APOLD1: variants seen among roughly 807,000 people sequenced by gnomAD.
The protein encoded by APOLD1 is apolipoprotein L domain-containing protein 1.
Under a neutral mutation model 15.3 loss-of-function variants are expected in APOLD1, and 22 were observed. The ratio of observed to expected loss-of-function variants is 1.44; its 90% CI spans 1.03 to 2.05. The LOEUF (loss-of-function observed/expected upper bound fraction) is 2.05, where lower values mean the gene tolerates loss of function less well. Among genes scored for constraint, APOLD1 ranks in the 30% most tolerant of loss-of-function variants. The pLI is 0.00. For missense variants in APOLD1, 394 were observed against 353.5 expected (o/e 1.11, Z -0.92); for synonymous variants, 190 against 167.4 (o/e 1.13, Z -1.04).
intron 1 of APOLD1, among the ~76,000 whole-genome samples, chr12:12,751,236 C>T (rs1207995782): frequency 6.6e-6 from 1 of 152,140 alleles, no homozygotes; most frequent in African/African-American, 2.4e-5. Flanking sequence ...GGATGGTCCT[C>T]ACAGGCTGTC....
chr12:12,754,080 G>A (rs970958822), intron 1 of APOLD1, among the ~76,000 whole-genome samples: 16 of 151,534 alleles, frequency 1.1e-4, no homozygotes, highest in Non-Finnish European at 1.2e-4. Context: ...CTGGGCGCCT[G>A]TAATCCCAGC....
chr12:12,761,017 T>G (rs980035906), intron 1 of APOLD1, among the ~76,000 whole-genome samples: 1 of 152,242 alleles, frequency 6.6e-6, no homozygotes, highest in African/African-American at 2.4e-5. Context: ...ATGTTAAACC[T>G]TATAACCTAA....
At chr12:12,749,021 G>A (rs191913116) in intron 1 of APOLD1, among the ~76,000 whole-genome samples, 1 of 152,302 alleles carries the variant, frequency 6.6e-6, no homozygotes, top group Admixed American at 6.5e-5. Context: ...AAATTAACCT[G>A]TGACCAGGAG....
intron 1 of APOLD1, among the ~76,000 whole-genome samples, chr12:12,759,460 T>C (rs1042557779): frequency 1.3e-5 from 2 of 152,180 alleles, no homozygotes; most frequent in East Asian, 1.9e-4. Context: ...TCACTGACTT[T>C]TGGTAGGATG....
At chr12:12,772,354 ACAGACTT>A (rs1946995161) in intron 1 of APOLD1, among the ~76,000 whole-genome samples, 1 of 152,230 alleles carries the variant, frequency 6.6e-6, no homozygotes, top group Admixed American at 6.5e-5. Context: ...GTCAGACAGA[ACAGACTT>A]CAGAGCAAGG....
intron 1 of APOLD1, among the ~76,000 whole-genome samples, chr12:12,756,409 C>G (rs1293185369): frequency 2.6e-5 from 4 of 152,200 alleles, no homozygotes; most frequent in African/African-American, 7.2e-5. Context: ...CCATCTTAAT[C>G]TCTTTTAATT....
At chr12:12,779,184 A>G (rs1947060976) in intron 1 of APOLD1, among the ~76,000 whole-genome samples, 1 of 152,128 alleles carries the variant, frequency 6.6e-6, no homozygotes, top group Admixed American at 6.5e-5. Context: ...CAGTGCTCCC[A>G]GAAAGTCTTC....
chr12:12,756,141 A>G (rs17392655), intron 1 of APOLD1, among the ~76,000 whole-genome samples: 4,968 of 152,356 alleles, frequency 0.033, 125 homozygotes, highest in Middle Eastern at 0.068. Flanking sequence ...TGGGTGAAGA[A>G]TCATATTGAA....
intron 1 of APOLD1, among the ~76,000 whole-genome samples, chr12:12,777,894 T>TG (rs1565436816): frequency 2.6e-4 from 2 of 7,696 alleles, no homozygotes; most frequent in African/African-American, 5.0e-4. Flanking sequence ...AAGGTGTTTT[T>TG]TTTTTTTTTT....
At chr12:12,777,639 T>C (rs1947046354) in intron 1 of APOLD1, among the ~76,000 whole-genome samples, 2 of 152,180 alleles carry the variant, frequency 1.3e-5, no homozygotes, top group Admixed American at 6.5e-5. Flanking sequence ...TCCGAAATGT[T>C]CCAGTGAGCA....
chr12:12,764,828 G>A (rs1004354777), intron 1 of APOLD1: 29 of 308,186 alleles, frequency 9.4e-5, no homozygotes, highest in Non-Finnish European at 1.8e-4. Flanking sequence ...CATGGTATGG[G>A]GATAGAATAA....
chr12:12,739,789 A>G (rs894777469), intron 1 of APOLD1, among the ~76,000 whole-genome samples: 39 of 148,824 alleles, frequency 2.6e-4, no homozygotes, highest in Admixed American at 6.1e-4. Flanking sequence ...ATTAAGGAGT[A>G]TATTTCTCAG....
intron 1 of APOLD1, among the ~76,000 whole-genome samples, chr12:12,730,328 A>G (rs1455127505): frequency 6.6e-6 from 1 of 152,108 alleles, no homozygotes; most frequent in South Asian, 2.1e-4. Flanking sequence ...CTGGAATCCT[A>G]CTGCCTGGGT....
intron 1 of APOLD1, among the ~76,000 whole-genome samples, chr12:12,764,383 G>A (rs1262885822): frequency 1.3e-5 from 2 of 152,090 alleles, no homozygotes; most frequent in Non-Finnish European, 2.9e-5. Flanking sequence ...TGATGTTTAT[G>A]TTATGTTTTT....
At chr12:12,772,750 TAAC>T (rs1393398607) in intron 1 of APOLD1, among the ~76,000 whole-genome samples, 1 of 152,140 alleles carries the variant, frequency 6.6e-6, no homozygotes, top group African/African-American at 2.4e-5. Flanking sequence ...AAATACAACT[TAAC>T]AACATTTAAA....
intron 1 of APOLD1, among the ~76,000 whole-genome samples, chr12:12,748,407 A>G (rs1447414687): frequency 6.6e-6 from 1 of 152,226 alleles, no homozygotes; most frequent in African/African-American, 2.4e-5. Flanking sequence ...CTTGTTCTCA[A>G]GGTTGCTAGA....
intron 1 of APOLD1, among the ~76,000 whole-genome samples, chr12:12,778,680 AGTGGAT>A (rs1435626663): frequency 1.3e-5 from 2 of 152,134 alleles, no homozygotes; most frequent in Non-Finnish European, 2.9e-5. Context: ...ATAGAATGCC[AGTGGAT>A]GTGATGGCTA....
At chr12:12,759,581 G>A (rs963505112) in intron 1 of APOLD1, among the ~76,000 whole-genome samples, 1 of 152,116 alleles carries the variant, frequency 6.6e-6, no homozygotes, top group African/African-American at 2.4e-5. Context: ...TGCTGCTGCC[G>A]GCATTTATCG....
intron 1 of APOLD1, among the ~76,000 whole-genome samples, chr12:12,749,607 G>A (rs1295543241): frequency 2.6e-5 from 4 of 152,152 alleles, no homozygotes; most frequent in African/African-American, 9.7e-5. Context: ...GTGTGACGTT[G>A]GTAACTTCAG....
Sources: gnomAD v4.1 joint callset for allele counts (sites outside exome capture counted in the v4.1 genomes callset) on GRCh38, gnomAD v4.1.1 for gene constraint, MANE v1.5 for transcripts, NCBI Gene and HGNC (gene_info 2026-07-23, HGNC 2026-07-21) for gene names.